ERBB4: variants seen among roughly 807,000 people sequenced by gnomAD.
ERBB4 encodes the protein erb-b2 receptor tyrosine kinase 4.
ERBB4 carries 42 observed loss-of-function variants against 158.0 expected under a neutral mutation model. The observed-to-expected ratio is 0.27, with a 90% CI of 0.21 to 0.34. The LOEUF is 0.34. ERBB4 is among the 10% of genes least tolerant of loss of function. The pLI, the probability that ERBB4 is intolerant of heterozygous loss-of-function variation, is 1.00. For missense variants in ERBB4, 1,333 were observed against 1,624.1 expected, an observed-to-expected ratio of 0.82 and a Z score of 3.08; for synonymous variants, 583 against 558.7, an observed-to-expected ratio of 1.04 and a Z score of -0.61.
intron 1 of ERBB4, among the ~76,000 whole-genome samples, chr2:212,517,886 A>C (rs982001292): frequency 2.0e-5 from 3 of 152,130 alleles, no homozygotes; most frequent in African/African-American, 7.2e-5. Context: ...TCCTGCTGGC[A>C]AAGTGAGCAA....
At chr2:211,796,824 T>C (rs754432327) in intron 3 of ERBB4, among the ~76,000 whole-genome samples, 45 of 151,962 alleles carry the variant, frequency 3.0e-4, no homozygotes, top group East Asian at 3.9e-4. Context: ...CTTTAAGTTA[T>C]TGGCAAACAA....
intron 4 of ERBB4, among the ~76,000 whole-genome samples, chr2:211,761,207 A>T (rs1365254280): frequency 1.3e-5 from 2 of 151,400 alleles, no homozygotes; most frequent in Admixed American, 1.3e-4. Context: ...AAAAAAAAAA[A>T]AAAAGGAAAA....
intron 1 of ERBB4, among the ~76,000 whole-genome samples, chr2:212,373,207 A>T (rs939764319): frequency 6.6e-6 from 1 of 152,138 alleles, no homozygotes; most frequent in Non-Finnish European, 1.5e-5. Flanking sequence ...GTAGCATTAT[A>T]TTATCCACAT....
At chr2:211,906,220 C>A (rs930435294) in intron 3 of ERBB4, among the ~76,000 whole-genome samples, 2 of 152,038 alleles carry the variant, frequency 1.3e-5, no homozygotes, top group African/African-American at 4.8e-5. Flanking sequence ...ATAGTGGAAG[C>A]ATTGGATGTG....
chr2:211,653,869 T>G (rs934653464), intron 16 of ERBB4, among the ~76,000 whole-genome samples: 1 of 151,894 alleles, frequency 6.6e-6, no homozygotes, highest in African/African-American at 2.4e-5. Flanking sequence ...AGAGATGGGG[T>G]TTCACCGTGT....
At chr2:212,451,079 G>C (rs2092439414) in intron 1 of ERBB4, among the ~76,000 whole-genome samples, 1 of 152,160 alleles carries the variant, frequency 6.6e-6, no homozygotes, top group Non-Finnish European at 1.5e-5. Flanking sequence ...TTATGAAGTA[G>C]AAAGTAGAGA....
chr2:211,544,394 A>G (rs535786576), intron 20 of ERBB4, among the ~76,000 whole-genome samples: 2 of 152,158 alleles, frequency 1.3e-5, no homozygotes, highest in South Asian at 2.1e-4. Context: ...GGTACCATCA[A>G]TCTGAGTTTG....
At chr2:212,248,939 T>C (rs1406217624) in intron 1 of ERBB4, among the ~76,000 whole-genome samples, 4 of 152,184 alleles carry the variant, frequency 2.6e-5, no homozygotes, top group Non-Finnish European at 5.9e-5. Context: ...TTTGGTCATA[T>C]TTATCTTTTT....
intron 3 of ERBB4, among the ~76,000 whole-genome samples, chr2:211,884,651 A>G (rs1477085260): frequency 2.0e-5 from 3 of 152,138 alleles, no homozygotes; most frequent in African/African-American, 7.2e-5. Flanking sequence ...ATAGCATTTC[A>G]TTATCCTCTG....
In ERBB4 at chr2:212,365,794, C is replaced by T. The variant is rs1409713620; in HGVS notation, c.82+172655G>A. Among the ~76,000 whole-genome samples the T allele has an allele frequency of 2.0e-5, 3 of 151,738 alleles. No homozygotes were observed. The East Asian group carries it at 5.8e-4, about 29-fold the overall frequency. On this transcript the variant is annotated intron_variant, in intron 1 of 27. Coordinates refer to ENST00000342788, the MANE Select transcript of ERBB4 (RefSeq NM_005235.3). ...AAGCTAACTAGCACACAAAGAACTA[C>T]AAAAGTTCAAATTTACAAGGACTCA...
chr2:211,798,074 T>G (rs1270172338), intron 3 of ERBB4, among the ~76,000 whole-genome samples: 2 of 151,986 alleles, frequency 1.3e-5, no homozygotes, highest in Non-Finnish European at 2.9e-5. Context: ...TACATCTGTA[T>G]CAAGCAGCCG....
At chr2:212,302,395 T>G (rs2086655324) in intron 1 of ERBB4, among the ~76,000 whole-genome samples, 1 of 151,496 alleles carries the variant, frequency 6.6e-6, no homozygotes, top group African/African-American at 2.4e-5. Flanking sequence ...AATCTCCTTG[T>G]TGTATAATAT....
intron 1 of ERBB4, among the ~76,000 whole-genome samples, chr2:212,517,004 A>G (rs922459984): frequency 2.0e-5 from 3 of 152,156 alleles, no homozygotes; most frequent in African/African-American, 7.2e-5. Flanking sequence ...CTTTAATTTC[A>G]GGCCCACAAT....
At chr2:211,434,221 A>C (rs534206741) in intron 20 of ERBB4, among the ~76,000 whole-genome samples, 1 of 152,306 alleles carries the variant, frequency 6.6e-6, no homozygotes, top group African/African-American at 2.4e-5. Context: ...GAACTAAGGC[A>C]CATTCACCAA....
intron 20 of ERBB4, among the ~76,000 whole-genome samples, chr2:211,502,788 T>G (rs1307048404): frequency 6.6e-6 from 1 of 152,166 alleles, no homozygotes; most frequent in Non-Finnish European, 1.5e-5. Flanking sequence ...GTGTAAAACT[T>G]CTTGGAGTTT....
At chr2:211,827,955 G>GA (rs1490296139) in intron 3 of ERBB4, among the ~76,000 whole-genome samples, 8 of 152,142 alleles carry the variant, frequency 5.3e-5, no homozygotes, top group Admixed American at 5.2e-4. Context: ...TACAGGTGAG[G>GA]AAACAGAGGC....
intron 22 of ERBB4, among the ~76,000 whole-genome samples, chr2:211,425,722 C>T (rs2063613085): frequency 6.6e-6 from 1 of 151,998 alleles, no homozygotes; most frequent in Admixed American, 6.6e-5. Context: ...CAATCTGTCA[C>T]TCAGAATGGA....
chr2:211,713,745 A>G, intron 7 of ERBB4, 97 bp from the exon 8 acceptor site: 1 of 737,068 alleles, frequency 1.4e-6, no homozygotes, highest in Admixed American at 2.1e-5. Flanking sequence ...AATGATTAGC[A>G]TCATTGATAG....
At chr2:211,501,734 T>A (rs1435708236) in intron 20 of ERBB4, among the ~76,000 whole-genome samples, 1 of 152,118 alleles carries the variant, frequency 6.6e-6, no homozygotes, top group African/African-American at 2.4e-5. Context: ...AATTGTGCTA[T>A]TACAATTTCT....
Sources: allele counts gnomAD v4.1 joint callset (sites outside exome capture counted in the v4.1 genomes callset), GRCh38; gene constraint gnomAD v4.1.1; transcripts MANE v1.5; gene names NCBI Gene and HGNC (gene_info 2026-07-23, HGNC 2026-07-21).